Variants in NRXN1 observed in about 807,000 individuals in gnomAD.
NRXN1 encodes neurexin 1.
NRXN1 carries 39 observed loss-of-function variants against 150.9 expected under a neutral mutation model. The observed-to-expected ratio is 0.26, with a 90% CI of 0.20 to 0.34. The LOEUF is 0.34. NRXN1 is among the 10% of genes least tolerant of loss of function. NRXN1 has a pLI of 1.00. For missense variants in NRXN1, 1,815 were observed against 1,949.9 expected (o/e 0.93, Z 1.30); for synonymous variants, 924 against 757.0 (o/e 1.22, Z -3.62).
chr2:50,429,885 C>T (rs111908926), intron 17 of NRXN1, among the ~76,000 whole-genome samples: 54 of 152,086 alleles, frequency 3.6e-4, no homozygotes, highest in Non-Finnish European at 1.2e-4. Context: ...GATCAAAATA[C>T]CTGCTGCATT....
intron 5 of NRXN1, among the ~76,000 whole-genome samples, chr2:50,646,870 C>T (rs1370522354): frequency 6.6e-6 from 1 of 151,622 alleles, no homozygotes; most frequent in Non-Finnish European, 1.5e-5. Flanking sequence ...CATCTGAGTC[C>T]CTTGAGGAGA....
intron 17 of NRXN1, among the ~76,000 whole-genome samples, chr2:50,337,070 C>CT (rs1575134302): frequency 6.8e-6 from 1 of 147,818 alleles, no homozygotes; most frequent in Non-Finnish European, 1.5e-5. Context: ...CATGGACTTT[C>CT]TTTTTTCTTT....
At chr2:50,946,034 G>C (rs979616196) in intron 2 of NRXN1, among the ~76,000 whole-genome samples, 2 of 151,406 alleles carry the variant, frequency 1.3e-5, no homozygotes, top group African/African-American at 2.4e-5. Context: ...GACCATAGAG[G>C]ATACAAACTA....
chr2:50,444,518 A>C (rs1291014329), intron 17 of NRXN1, among the ~76,000 whole-genome samples: 1 of 152,138 alleles, frequency 6.6e-6, no homozygotes, highest in Admixed American at 6.6e-5. Flanking sequence ...GCCAACTTCA[A>C]GAAGCAGCGC....
chr2:50,579,271 A>T (rs1212944646), intron 8 of NRXN1, among the ~76,000 whole-genome samples: 2 of 152,196 alleles, frequency 1.3e-5, no homozygotes. Flanking sequence ...GATTGATTAC[A>T]TTTTGTACTT....
In NRXN1 at chr2:50,531,384, C is replaced by G. The variant is rs199978276; in HGVS notation, c.2190G>C (p.Gln730His). The G allele has an allele frequency of 1.2e-6, 2 of 1,612,522 alleles. No homozygotes were observed. Among genetic ancestry groups the G allele is most frequent in the Non-Finnish European group, 1.7e-6 (2 of 1,179,416 alleles). ...SYDGSMFMKI[Q>H]LPVVMHTEAE... is the part of the protein sequence containing the mutation. ...CCTCCGTATGCATGACTACGGGGAG[C>G]TGAATTTTCATAAACATGCTCCCAT... Residue 730 changes from glutamine to histidine, a missense_variant, in exon 11 of 23, where the codon CAG (glutamine) becomes CAC (histidine). Coordinates refer to ENST00000401669, the MANE Select transcript of NRXN1 (RefSeq NM_001330078.2).
chr2:50,959,381 GAATA>G (rs1692785340), intron 2 of NRXN1, among the ~76,000 whole-genome samples: 1 of 151,952 alleles, frequency 6.6e-6, no homozygotes, highest in African/African-American at 2.4e-5. Flanking sequence ...ATGAATGAAT[GAATA>G]AAATATGCTA....
intron 21 of NRXN1, among the ~76,000 whole-genome samples, chr2:50,002,528 G>A (rs1684117251): frequency 6.6e-6 from 1 of 152,100 alleles, no homozygotes; most frequent in African/African-American, 2.4e-5. Context: ...TTCCAGTTAA[G>A]GAATTTTAGC....
chr2:49,958,501 T>G (rs1675366603), intron 21 of NRXN1, among the ~76,000 whole-genome samples: 1 of 152,244 alleles, frequency 6.6e-6, no homozygotes, highest in African/African-American at 2.4e-5. Context: ...TCCTTTTCCT[T>G]CCCGCACACC....
chr2:50,017,319 C>A (rs1054992132), intron 21 of NRXN1, among the ~76,000 whole-genome samples: 10 of 152,084 alleles, frequency 6.6e-5, no homozygotes, highest in Non-Finnish European at 1.2e-4. Context: ...GATGTATTGT[C>A]AAAATATTTT....
rs905076755 is a variant in NRXN1, at chr2:50,846,221, T to C, written c.832+75648A>G. 3.9e-4 allele frequency among the ~76,000 whole-genome samples: 60 copies of C among 152,188 alleles called. 1 individual carries two copies. Among genetic ancestry groups the C allele is most frequent in the Non-Finnish European group, 1.5e-5 (1 of 68,036 alleles). On this transcript the variant is annotated intron_variant, in intron 5 of 22. Coordinates refer to ENST00000401669, the MANE Select transcript of NRXN1 (RefSeq NM_001330078.2). ...AGGTTGTTCATTTTGTTTTGTGTTT[T>C]AGAGCATCAGTAAAACATACATGGT...
At chr2:50,981,802 A>G (rs1696860052) in intron 2 of NRXN1, among the ~76,000 whole-genome samples, 1 of 150,610 alleles carries the variant, frequency 6.6e-6, no homozygotes, top group South Asian at 2.1e-4. Context: ...AGAGCCTAAT[A>G]ATTGTTTGAA....
At chr2:50,181,068 C>A (rs962716640) in intron 18 of NRXN1, among the ~76,000 whole-genome samples, 10 of 151,916 alleles carry the variant, frequency 6.6e-5, no homozygotes, top group Non-Finnish European at 1.3e-4. Context: ...GAAAAACATT[C>A]TCATTTAACC....
At chr2:50,932,151 G>A (rs965086237) in intron 2 of NRXN1, among the ~76,000 whole-genome samples, 1 of 152,110 alleles carries the variant, frequency 6.6e-6, no homozygotes, top group Non-Finnish European at 1.5e-5. Context: ...ACTTTGGGAG[G>A]CTGAGGAAAG....
chr2:49,966,770 A>G (rs1677039233), intron 21 of NRXN1: 1 of 152,256 alleles, frequency 6.6e-6, no homozygotes, highest in South Asian at 2.1e-4. Flanking sequence ...AGGTGAACTG[A>G]TAGCAGTTGT....
intron 5 of NRXN1, among the ~76,000 whole-genome samples, chr2:50,889,521 T>C (rs1680745377): frequency 6.6e-6 from 1 of 151,740 alleles, no homozygotes; most frequent in Non-Finnish European, 1.5e-5. Flanking sequence ...TTTCCGATTC[T>C]ATCTGTTTAA....
intron 17 of NRXN1, among the ~76,000 whole-genome samples, chr2:50,277,709 C>T (rs1440558892): frequency 6.6e-6 from 1 of 151,922 alleles, no homozygotes; most frequent in Non-Finnish European, 1.5e-5. Flanking sequence ...GGTAGCACAC[C>T]CATTAAAGCA....
intron 17 of NRXN1, among the ~76,000 whole-genome samples, chr2:50,309,523 A>G (rs565265633): frequency 8.5e-5 from 13 of 152,326 alleles, no homozygotes; most frequent in African/African-American, 3.1e-4. Flanking sequence ...TTTCCCCTGT[A>G]TGTCATAAAT....
chr2:50,493,902 T>G (rs1456594082), intron 15 of NRXN1, among the ~76,000 whole-genome samples: 5 of 152,224 alleles, frequency 3.3e-5, no homozygotes, highest in Non-Finnish European at 7.3e-5. Flanking sequence ...CTATGTAATA[T>G]GCCATTTTTA....
Sources: allele counts gnomAD v4.1 joint callset (sites outside exome capture counted in the v4.1 genomes callset), GRCh38; gene constraint gnomAD v4.1.1; transcripts MANE v1.5; gene names NCBI Gene and HGNC (gene_info 2026-07-23, HGNC 2026-07-21).